The following CFAP47 variants were observed in gnomAD, a reference collection of about 807,000 sequenced individuals.
The protein encoded by CFAP47 is cilia and flagella associated protein 47.
In CFAP47, 29 loss-of-function variants were observed where a neutral mutation model predicts 148.1. The observed-to-expected ratio is 0.20, with a 90% CI of 0.15 to 0.27. The LOEUF (loss-of-function observed/expected upper bound fraction) is 0.27. Among genes scored for constraint, CFAP47 ranks in the 10% least tolerant of loss-of-function variants. The pLI is 1.00. For missense variants in CFAP47, 1,872 were observed against 1,697.5 expected (o/e 1.10, Z -1.81); for synonymous variants, 664 against 577.3 (o/e 1.15, Z -2.15).
chrX:36,181,153 TATAA>T (rs1939745208), intron 40 of CFAP47, among the ~76,000 whole-genome samples: 1 of 111,811 alleles, frequency 8.9e-6, no homozygotes, highest in African/African-American at 3.2e-5. Flanking sequence ...TATCTGTGAG[TATAA>T]ATAACTCAAA....
chrX:36,003,805 A>G (rs1190311802), intron 21 of CFAP47, among the ~76,000 whole-genome samples: 1 of 109,295 alleles, frequency 9.1e-6, no homozygotes, highest in Non-Finnish European at 1.9e-5. Flanking sequence ...AATAAAGGGC[A>G]TCTAAATAGG....
chrX:35,991,758 A>T (rs1219938392), intron 16 of CFAP47, 63 bp from the exon 17 acceptor site: 5 of 287,551 alleles, frequency 1.7e-5, no homozygotes, highest in East Asian at 4.9e-5. Flanking sequence ...CAAAACAATT[A>T]AACAAAGTAT....
chrX:36,076,548 G>A (rs1937861178), intron 29 of CFAP47, among the ~76,000 whole-genome samples: 1 of 110,452 alleles, frequency 9.1e-6, no homozygotes, highest in African/African-American at 3.3e-5. Context: ...TTTGAAAAGT[G>A]TCTGTTTATG....
intron 39 of CFAP47, among the ~76,000 whole-genome samples, chrX:36,171,401 G>A (rs1027709451): frequency 4.5e-5 from 5 of 110,344 alleles, no homozygotes; most frequent in Non-Finnish European, 9.5e-5. Context: ...GTAATGCCTA[G>A]GTTTTCTTCT....
chrX:36,315,389 G>A (rs1243936122), intron 56 of CFAP47, among the ~76,000 whole-genome samples: 2 of 111,845 alleles, frequency 1.8e-5, no homozygotes, highest in African/African-American at 6.5e-5. Context: ...ATAAATACTT[G>A]TTATGCTCCA....
intron 33 of CFAP47, among the ~76,000 whole-genome samples, chrX:36,122,253 T>C (rs1299471429): frequency 9.0e-6 from 1 of 111,423 alleles, no homozygotes; most frequent in African/African-American, 3.3e-5. Context: ...CTTTCGAAGT[T>C]TGATTTTTAA....
chrX:36,226,152 A>G (rs1444199310), intron 45 of CFAP47, among the ~76,000 whole-genome samples: 1 of 111,550 alleles, frequency 9.0e-6, no homozygotes, highest in African/African-American at 3.3e-5. Flanking sequence ...CCACTTCTGG[A>G]TGATCTATGT....
At position 36,310,812 on chromosome X, in the gene CFAP47, C is replaced by T. The variant is rs186506863; in HGVS notation, c.8188-21C>T. 9.8e-5 allele frequency: 108 copies of T among 1,097,549 alleles called. No homozygotes were observed. The East Asian group carries it at 3.4e-3, about 35-fold the overall frequency. 90.5% of individuals were successfully genotyped at this position (1,097,549 alleles called of 1,213,427 possible). A position where few individuals can be genotyped will look rare whatever the true frequency, so the allele number is the denominator to read the frequency against. On this transcript the variant is annotated intron_variant, in intron 55 of 63. Coordinates refer to ENST00000378653, the MANE Select transcript of CFAP47 (RefSeq NM_001304548.2). ...ATATGCAGTTAGGACACATAAGTTA[C>T]GAATACTTATCTTCAAACAGTTTAC...
chrX:36,173,045 G>A (rs1324354095), intron 39 of CFAP47, among the ~76,000 whole-genome samples: 1 of 110,967 alleles, frequency 9.0e-6, no homozygotes, highest in African/African-American at 3.3e-5. Context: ...TATGTGTCGA[G>A]GAATTTATCC....
At chrX:35,939,921 AGTGT>A (rs1412635854) in intron 2 of CFAP47, among the ~76,000 whole-genome samples, 3 of 101,461 alleles carry the variant, frequency 3.0e-5, no homozygotes, top group African/African-American at 7.2e-5. Context: ...ACAGTGTAAA[AGTGT>A]TCCTATTTCT....
At chrX:35,924,391 GTA>G (rs747749797) in intron 1 of CFAP47, among the ~76,000 whole-genome samples, 24 of 100,452 alleles carry the variant, frequency 2.4e-4, no homozygotes, top group South Asian at 4.1e-4. Flanking sequence ...ACACATATGT[GTA>G]TATATGCACA....
chrX:36,016,774 G>A (rs752558063), intron 22 of CFAP47, among the ~76,000 whole-genome samples: 21 of 90,518 alleles, frequency 2.3e-4, no homozygotes, highest in African/African-American at 8.4e-4. Flanking sequence ...ATTTACATTC[G>A]CATCAACGAA....
intron 49 of CFAP47, among the ~76,000 whole-genome samples, chrX:36,267,602 G>A (rs782026058): frequency 5.6e-5 from 6 of 107,633 alleles, no homozygotes; most frequent in Admixed American, 4.0e-4. Flanking sequence ...CCTCAGCCTC[G>A]TGAGTAGCTG....
At chrX:36,284,801 A>G (rs1941115387) in intron 50 of CFAP47, among the ~76,000 whole-genome samples, 1 of 111,649 alleles carries the variant, frequency 9.0e-6, no homozygotes, top group South Asian at 3.7e-4. Flanking sequence ...AAACATGACA[A>G]TACTGATGTG....
At chrX:35,984,343 CT>C in intron 15 of CFAP47, among the ~76,000 whole-genome samples, 1 of 111,154 alleles carries the variant, frequency 9.0e-6, no homozygotes, top group East Asian at 2.8e-4. Context: ...TGGATCTTCT[CT>C]TTTTTTCTTT....
intron 42 of CFAP47, 81 bp from the exon 43 acceptor site, chrX:36,200,298 T>C: frequency 3.5e-6 from 1 of 288,406 alleles, no homozygotes; most frequent in Non-Finnish European, 6.1e-6. Flanking sequence ...TCTTACAGTA[T>C]GCAGATTTCC....
At chrX:36,248,135 TATC>T (rs1393364450) in intron 48 of CFAP47, among the ~76,000 whole-genome samples, 3 of 106,793 alleles carry the variant, frequency 2.8e-5, no homozygotes, top group East Asian at 5.7e-4. Flanking sequence ...GTATATATAT[TATC>T]ATATATTATA....
intron 48 of CFAP47, among the ~76,000 whole-genome samples, chrX:36,242,394 A>G (rs1555996187): frequency 8.9e-6 from 1 of 112,180 alleles, no homozygotes; most frequent in Non-Finnish European, 1.9e-5. Context: ...TTCAGGAGAA[A>G]GTTGAAACCC....
chrX:36,311,238 C>A (rs924883561), intron 56 of CFAP47, among the ~76,000 whole-genome samples: 13 of 110,509 alleles, frequency 1.2e-4, no homozygotes, highest in African/African-American at 4.2e-4. Context: ...TCTATAAACC[C>A]AAATATGTAA....
Sources: allele counts gnomAD v4.1 joint callset (sites outside exome capture counted in the v4.1 genomes callset), GRCh38; gene constraint gnomAD v4.1.1; transcripts MANE v1.5; gene names NCBI Gene and HGNC (gene_info 2026-07-23, HGNC 2026-07-21).